Variants in ZNF518A observed in about 807,000 individuals in gnomAD.
ZNF518A encodes the protein zinc finger protein 518.
Under a neutral mutation model 102.7 loss-of-function variants are expected in ZNF518A, and 47 were observed. The ratio of observed to expected loss-of-function variants is 0.46; its 90% CI spans 0.36 to 0.58. ZNF518A has a LOEUF of 0.58. ZNF518A is among the 20% of genes least tolerant of loss of function. The pLI is 0.00. For synonymous variants in ZNF518A, 652 were observed against 594.6 expected, an observed-to-expected ratio of 1.10 and a Z score of -1.40; for missense variants, 1,793 against 1,699.8, an observed-to-expected ratio of 1.05 and a Z score of -0.96.
At chr10:96,153,648 T>C (rs2082556316) in intron 3 of ZNF518A, among the ~76,000 whole-genome samples, 1 of 152,240 alleles carries the variant, frequency 6.6e-6, no homozygotes, top group Non-Finnish European at 1.5e-5. Flanking sequence ...CTTAATAAGA[T>C]GGTCTCTTTT....
Position 96,200,247 on chromosome 10 carries a change from T to G in ZNF518A, n.36-3327T>G. 1 of 982,842 alleles carries G rather than the reference T, an allele frequency of 1.0e-6. No individual in the cohort carries two copies. The highest frequency in any genetic ancestry group is 1.6e-6 in the Non-Finnish European group (1 of 622,594). 60.9% of individuals were successfully genotyped at this position (982,842 alleles called of 1,614,324 possible). A position where few individuals can be genotyped will look rare whatever the true frequency, so the allele number is the denominator to read the frequency against. On this transcript the variant is annotated intron_variant and non_coding_transcript_variant, in intron 1 of 2. Coordinates refer to the ZNF518A transcript ENST00000442635. The surrounding 1 kb of genome is among the most constrained non-coding windows in gnomAD (Gnocchi z 4.3). Reference sequence around the variant, plus strand: ...TAGAAACAAAGACCCATTTGCATTATCAAGACAGGCCTCTACATTTACACC... The same window carrying G: ...TAGAAACAAAGACCCATTTGCATTAGCAAGACAGGCCTCTACATTTACACC...
intron 1 of ZNF518A, among the ~76,000 whole-genome samples, chr10:96,180,322 C>A (rs1350527439): frequency 1.3e-5 from 2 of 151,530 alleles, no homozygotes; most frequent in African/African-American, 2.4e-5. Context: ...CTGTACCCAG[C>A]CTTGAGCTTT....
intron 3 of ZNF518A, among the ~76,000 whole-genome samples, chr10:96,141,463 A>G (rs2081922784): frequency 6.6e-6 from 1 of 152,190 alleles, no homozygotes; most frequent in African/African-American, 2.4e-5. Flanking sequence ...AAGGTAAATA[A>G]AGGTGTATGT....
In ZNF518A at chr10:96,176,092, GTTA is replaced by G. The variant is rs375559816; in HGVS notation, n.35+20054_35+20056del. On this transcript the variant is annotated intron_variant and non_coding_transcript_variant, in intron 1 of 2. Transcript: ENST00000442635. ...CTTCAGGTGCATGGCACCCTGCCTG[GTTA>G]TTATTATTTTTTAAGTTTTTGTAGA... 8.9e-4 allele frequency among the ~76,000 whole-genome samples: 136 copies of G among 152,142 alleles called. 5 individuals carry two copies. In the South Asian group the frequency reaches 0.02, roughly 22 times the overall value.
chr10:96,134,149 C>T (rs1554873470), intron 3 of ZNF518A, among the ~76,000 whole-genome samples: 1 of 152,218 alleles, frequency 6.6e-6, no homozygotes, highest in African/African-American at 2.4e-5. Context: ...TTTGGATATT[C>T]AGCCAGTAAG....
chr10:96,160,102 T>A lies in ZNF518A; in HGVS notation c.3780T>A (p.Thr1260=), dbSNP rs1184351292. The change falls in exon 6 of 6, where the codon ACT becomes ACA. Residue 1260 remains threonine, a synonymous_variant. Transcript: ENST00000316045. Reference sequence around the variant, plus strand: ...AAAAAATTTTTTCAAAAACAAAAACTCATGGAAGTAAAGACTCTGAAACTG... The same window carrying A: ...AAAAAATTTTTTCAAAAACAAAAACACATGGAAGTAAAGACTCTGAAACTG... The part of the protein sequence containing the change: ...TSKKIFSKTK[T]HGSKDSETAF... 1.2e-6 allele frequency: 2 copies of A among 1,610,528 alleles called. No individual in the cohort carries two copies. The highest frequency in any genetic ancestry group is 1.7e-6 in the Non-Finnish European group (2 of 1,179,018).
chr10:96,200,181 C>A lies in ZNF518A; in HGVS notation n.36-3393C>A. ...TTCCTGTGAAATGGAGGGCACTGGT[C>A]AGCATGGGATGGTCCCTACTTAACT... On this transcript the variant is annotated intron_variant and non_coding_transcript_variant, in intron 1 of 2. Coordinates refer to the ZNF518A transcript ENST00000442635. This position sits in a 1 kb window ranked among gnomAD's most constrained non-coding sequence, Gnocchi z 4.3. 1 of 1,607,224 alleles carries A rather than the reference C, an allele frequency of 6.2e-7. No individual in the cohort carries two copies. The highest frequency in any genetic ancestry group is 1.1e-5 in the South Asian group (1 of 90,734).
At chr10:96,150,473 G>A (rs1258323347) in intron 3 of ZNF518A, among the ~76,000 whole-genome samples, 1 of 150,362 alleles carries the variant, frequency 6.7e-6, no homozygotes, top group East Asian at 1.9e-4. Context: ...ACAAGAATAA[G>A]TTGTAGATAC....
intron 1 of ZNF518A, among the ~76,000 whole-genome samples, chr10:96,191,447 A>C (rs2083328433): frequency 6.6e-6 from 1 of 152,064 alleles, no homozygotes; most frequent in African/African-American, 2.4e-5. Flanking sequence ...ATATATATAT[A>C]TCCCATGGTT....
chr10:96,183,465 C>A (rs1381154812), intron 1 of ZNF518A, among the ~76,000 whole-genome samples: 1 of 152,170 alleles, frequency 6.6e-6, no homozygotes, highest in Admixed American at 6.5e-5. Context: ...CTATAAATTT[C>A]CCTCTACGCA....
At chr10:96,136,540 T>G (rs1470208574) in intron 3 of ZNF518A, among the ~76,000 whole-genome samples, 2 of 151,836 alleles carry the variant, frequency 1.3e-5, no homozygotes, top group Non-Finnish European at 2.9e-5. Context: ...AATGTGGCTT[T>G]TTAATGAGCT....
intron 1 of ZNF518A, among the ~76,000 whole-genome samples, chr10:96,169,941 TAGAC>T (rs2083163632): frequency 6.6e-6 from 1 of 152,210 alleles, no homozygotes; most frequent in South Asian, 2.1e-4. Flanking sequence ...AGCTAATAAG[TAGAC>T]AGAGATAAAC....
chr10:96,142,623 T>C (rs1554877011), intron 3 of ZNF518A, among the ~76,000 whole-genome samples: 1 of 152,074 alleles, frequency 6.6e-6, no homozygotes, highest in African/African-American at 2.4e-5. Flanking sequence ...TATAGTTAAG[T>C]AGCAGATAGA....
downstream of ZNF518A, among the ~76,000 whole-genome samples, chr10:96,168,435 G>A (rs2083155272): frequency 6.7e-6 from 1 of 148,242 alleles, no homozygotes; most frequent in Admixed American, 6.7e-5. Context: ...TACCTTTCCA[G>A]TGTTTTTTTT....
At position 96,157,320 on chromosome 10, in the gene ZNF518A, T is replaced by G. The variant is rs2082741878; in HGVS notation, c.998T>G (p.Ile333Ser). 3.7e-6 allele frequency: 6 copies of G among 1,611,570 alleles called. No homozygotes were observed. The highest frequency in any genetic ancestry group is 5.1e-6 in the Non-Finnish European group (6 of 1,178,786). Residue 333 changes from isoleucine (I) to serine (S), a missense_variant, in exon 6 of 6, where the codon ATT becomes AGT. Transcript: ENST00000316045. The part of the protein sequence containing the change: ...SRKTFWKRKK[I>S]NSGSDRSIEK... Reference sequence around the variant, plus strand: ...AAGACGTTCTGGAAACGTAAGAAAATTAACAGTGGAAGTGACAGAAGTATA... The same window carrying G: ...AAGACGTTCTGGAAACGTAAGAAAAGTAACAGTGGAAGTGACAGAAGTATA...
intron 1 of ZNF518A, chr10:96,192,216 C>G: frequency 7.5e-7 from 1 of 1,336,572 alleles, no homozygotes; most frequent in Non-Finnish European, 1.0e-6. Flanking sequence ...ACATTCTGCA[C>G]AAAAAAATCT....
Position 96,156,704 on chromosome 10 carries a change from A to C in ZNF518A, c.382A>C (p.Thr128Pro). ...NFSCLKCRDN[T>P]RYSPNDLQKH... is the part of the protein sequence containing the mutation. ...CAGCTGTTTAAAATGCCGAGACAAC[A>C]CTCGATATAGCCCAAATGATTTGCA... Residue 128 changes from threonine (T) to proline (P), a missense_variant, in exon 6 of 6, where the codon ACT becomes CCT. This residue lies in a region of ZNF518A where 1,741 missense variants were observed against 1,622.6 expected (regional missense o/e 1.07). Transcript: ENST00000316045. 6.2e-7 allele frequency: 1 copy of C among 1,613,840 alleles called. No individual in the cohort carries two copies. The highest frequency in any genetic ancestry group is 8.5e-7 in the Non-Finnish European group (1 of 1,179,782).
intron 3 of ZNF518A, among the ~76,000 whole-genome samples, chr10:96,136,234 TG>T (rs1165827540): frequency 6.6e-6 from 1 of 151,926 alleles, no homozygotes; most frequent in African/African-American, 2.4e-5. Context: ...GAATTAAATG[TG>T]ATGAAATACT....
At chr10:96,172,882 G>T (rs1006048899) in intron 1 of ZNF518A, among the ~76,000 whole-genome samples, 1 of 152,094 alleles carries the variant, frequency 6.6e-6, no homozygotes, top group Non-Finnish European at 1.5e-5. Flanking sequence ...GAAATTTTCA[G>T]ACTGGATAAA....
Sources: allele counts gnomAD v4.1 joint callset (sites outside exome capture counted in the v4.1 genomes callset), GRCh38; gene constraint gnomAD v4.1.1; regional missense constraint gnomAD v4.1.1; non-coding constraint Gnocchi (gnomAD v3.1); transcripts MANE v1.5; gene names NCBI Gene and HGNC (gene_info 2026-07-23, HGNC 2026-07-21).